Variants in RANBP3 observed in about 807,000 individuals in gnomAD.
RANBP3 encodes RAN binding protein 3.
In RANBP3, 14 loss-of-function variants were observed where a neutral mutation model predicts 77.3. That is an observed-to-expected ratio of 0.18 (90% confidence interval 0.12 to 0.28). RANBP3 has a LOEUF of 0.28. Among genes scored for constraint, RANBP3 ranks in the 10% least tolerant of loss-of-function variants. The pLI is 1.00. For missense variants in RANBP3, 586 were observed against 752.3 expected, an observed-to-expected ratio of 0.78 and a Z score of 2.59; for synonymous variants, 315 against 312.4, an observed-to-expected ratio of 1.01 and a Z score of -0.09.
At position 5,958,698 on chromosome 19, in the gene RANBP3, C is replaced by T. The variant is rs2058364452; in HGVS notation, c.23-725G>A. On this transcript the variant is annotated intron_variant, in intron 1 of 16. Coordinates refer to ENST00000340578, the MANE Select transcript of RANBP3 (RefSeq NM_007322.3). This position sits in a 1 kb window ranked among gnomAD's most constrained non-coding sequence, Gnocchi z 4.4. The stretch of plus-strand genomic sequence containing the variant: ...GTGGCAGCCCAGGAGGCCCTGCTGC[C>T]CGCACAGGAAGCACAGATGAGGACT... Among the ~76,000 whole-genome samples, 1 of 152,240 alleles carries T rather than the reference C, an allele frequency of 6.6e-6. No homozygotes were observed. Among genetic ancestry groups the T allele is most frequent in the South Asian group, 2.1e-4 (1 of 4,834 alleles).
At chr19:5,962,904 T>C (rs918657020) in intron 1 of RANBP3, among the ~76,000 whole-genome samples, 3 of 152,104 alleles carry the variant, frequency 2.0e-5, no homozygotes, top group African/African-American at 7.2e-5. Flanking sequence ...AGGCTGATTC[T>C]GGCTATACCA....
At chr19:5,943,292 T>A (rs2058163171) in intron 3 of RANBP3, among the ~76,000 whole-genome samples, 1 of 152,162 alleles carries the variant, frequency 6.6e-6, no homozygotes, top group Non-Finnish European at 1.5e-5. Flanking sequence ...GTGAAAGTGC[T>A]TTGCAAACTG....
Position 5,952,856 on chromosome 19 carries a change from A to C in RANBP3, c.79-1260T>G, listed in dbSNP as rs980959306. On this transcript the variant is annotated intron_variant, in intron 2 of 16. Transcript: ENST00000340578. The surrounding 1 kb of genome is among the most constrained non-coding windows in gnomAD (Gnocchi z 4.1). ...CAGAGCCACGGACCAGCCGCTCTCT[A>C]AACCTGGCTCTCTAAACCTGCACAG... Among the ~76,000 whole-genome samples, 1 of 152,216 alleles carries C rather than the reference A, an allele frequency of 6.6e-6. No individual in the cohort carries two copies. Among genetic ancestry groups the C allele is most frequent in the Non-Finnish European group, 1.5e-5 (1 of 68,038 alleles).
intron 5 of RANBP3, among the ~76,000 whole-genome samples, chr19:5,936,655 CTTG>C (rs2058068280): frequency 6.6e-6 from 1 of 152,320 alleles, no homozygotes; most frequent in Non-Finnish European, 1.5e-5. Context: ...CCGGGAGGCT[CTTG>C]TTGTGACAAA....
In RANBP3 at chr19:5,924,068, C is replaced by T. The variant is rs1041127204; in HGVS notation, c.997-154G>A. Among the ~76,000 whole-genome samples the T allele has an allele frequency of 6.6e-6, 1 of 152,196 alleles. No homozygotes were observed. Among genetic ancestry groups the T allele is most frequent in the Non-Finnish European group, 1.5e-5 (1 of 68,036 alleles). On this transcript the variant is annotated intron_variant, in intron 11 of 16. Coordinates refer to ENST00000340578, the MANE Select transcript of RANBP3 (RefSeq NM_007322.3). This position sits in a 1 kb window ranked among gnomAD's most constrained non-coding sequence, Gnocchi z 4.7. The stretch of plus-strand genomic sequence containing the variant: ...CCCTGAACTGCCTGGGAGCTCCCCA[C>T]GTGGTCCCTCAGGCATCACTACGGG...
chr19:5,951,287 G>T (rs2145184217), intron 3 of RANBP3, 106 bp downstream of exon 3: 3 of 1,044,816 alleles, frequency 2.9e-6, no homozygotes, highest in Non-Finnish European at 4.3e-6. Context: ...ACCATTAGCT[G>T]CTTACAATTA....
chr19:5,977,663 G>A (rs1301950992), intron 1 of RANBP3, among the ~76,000 whole-genome samples: 1 of 152,112 alleles, frequency 6.6e-6, no homozygotes, highest in African/African-American at 2.4e-5. Context: ...GGCGGAGGAC[G>A]AGGGGGCGGG....
In RANBP3 at chr19:5,917,948, T is replaced by G. The variant is rs1302498527; in HGVS notation, c.1506A>C (p.Ala502=). Residue 502 remains alanine, a synonymous_variant, in exon 16 of 17, where the codon GCA becomes GCC. Transcript: ENST00000340578. ...ASSKDTGQLY[A]ALHHRILALR... ...GGGCCAGGATGCGGTGGTGCAGGGCTGCATACAACTGACCTGTGTCCTTGG... is the reference window on the plus strand; with the variant it reads ...GGGCCAGGATGCGGTGGTGCAGGGCGGCATACAACTGACCTGTGTCCTTGG... 6.2e-7 allele frequency: 1 copy of G among 1,608,546 alleles called. No individual in the cohort carries two copies. The highest frequency in any genetic ancestry group is 8.5e-7 in the Non-Finnish European group (1 of 1,177,016).
In RANBP3 at chr19:5,921,344, A is replaced by G. The variant is rs1383595281; in HGVS notation, c.1210-23T>C. ...CATCTGGAACACAGTGGCCGCCGGTAAGCAGGGACCCCAGCTGGTGTCCTG... is the reference window on the plus strand; with the variant it reads ...CATCTGGAACACAGTGGCCGCCGGTGAGCAGGGACCCCAGCTGGTGTCCTG... On this transcript the variant is annotated intron_variant, in intron 13 of 16. Transcript: ENST00000340578. This position sits in a 1 kb window ranked among gnomAD's most constrained non-coding sequence, Gnocchi z 5.3. 1.9e-6 allele frequency: 3 copies of G among 1,611,906 alleles called. No individual in the cohort carries two copies. In the African/African-American group the frequency reaches 4.0e-5, roughly 22 times the overall value.
intron 3 of RANBP3, among the ~76,000 whole-genome samples, 159 bp from the exon 4 acceptor site, chr19:5,941,994 A>C (rs1455732252): frequency 1.3e-5 from 2 of 152,174 alleles, no homozygotes; most frequent in African/African-American, 4.8e-5. Context: ...TAAAGCTCAA[A>C]CATCCCCCCG....
chr19:5,969,656 C>T (rs1447511889), intron 1 of RANBP3, among the ~76,000 whole-genome samples: 1 of 152,240 alleles, frequency 6.6e-6, no homozygotes, highest in African/African-American at 2.4e-5. Context: ...GCATGAACTC[C>T]TAGACTCCAT....
intron 14 of RANBP3, among the ~76,000 whole-genome samples, chr19:5,920,461 G>C (rs927410425): frequency 6.6e-6 from 1 of 152,166 alleles, no homozygotes; most frequent in Non-Finnish European, 1.5e-5. Context: ...GTGTGTGTAT[G>C]CAGGTACTCC....
chr19:5,955,756 A>T (rs2058327777), intron 2 of RANBP3, among the ~76,000 whole-genome samples: 1 of 152,196 alleles, frequency 6.6e-6, no homozygotes, highest in Non-Finnish European at 1.5e-5. Context: ...TGCAAGCCAC[A>T]CGGTCTCTGT....
At chr19:5,925,891 G>A in intron 9 of RANBP3, 154 bp from the exon 10 acceptor site, 2 of 634,670 alleles carry the variant, frequency 3.2e-6, no homozygotes, top group South Asian at 1.8e-5. Context: ...GCATGTGCTG[G>A]GGGGCAGGGC....
At chr19:5,927,226 G>C (rs1389870698) in intron 9 of RANBP3, among the ~76,000 whole-genome samples, 3 of 152,180 alleles carry the variant, frequency 2.0e-5, no homozygotes, top group Non-Finnish European at 4.4e-5. Flanking sequence ...CCCAGTGCAT[G>C]GTCCAGGGCC....
At chr19:5,925,256 A>C (rs1024808480) in intron 10 of RANBP3, 14 of 470,606 alleles carry the variant, frequency 3.0e-5, no homozygotes, top group South Asian at 2.7e-4. Context: ...GGACATGATG[A>C]GGTCTTTGCC....
chr19:5,927,801 C>A (rs557798058), intron 9 of RANBP3, among the ~76,000 whole-genome samples, 167 bp downstream of exon 9: 2 of 152,342 alleles, frequency 1.3e-5, no homozygotes, highest in African/African-American at 4.8e-5. Flanking sequence ...GGGCCCAGCA[C>A]ACGCACACCA....
chr19:5,921,392 G>T lies in RANBP3; in HGVS notation c.1210-71C>A. On this transcript the variant is annotated intron_variant, in intron 13 of 16. Coordinates refer to ENST00000340578, the MANE Select transcript of RANBP3 (RefSeq NM_007322.3). The surrounding 1 kb of genome is among the most constrained non-coding windows in gnomAD (Gnocchi z 5.3). ...CTGCTGCAGCCACACCCTGAGAGTC[G>T]CCCTTTAGCCTGTGGGGACTGCCAG... 6.3e-7 allele frequency: 1 copy of T among 1,577,082 alleles called. No individual in the cohort carries two copies. The highest frequency in any genetic ancestry group is 1.2e-5 in the South Asian group (1 of 86,838).
Position 5,959,241 on chromosome 19 carries a change from T to C in RANBP3, c.23-1268A>G, listed in dbSNP as rs2058371487. ...TAAAAGGCAAGGGGATGCCTGGGGT[T>C]GGTTTAGGTTGAAAGCAAACAGTTT... On this transcript the variant is annotated intron_variant, in intron 1 of 16. Transcript: ENST00000340578. The surrounding 1 kb of genome is among the most constrained non-coding windows in gnomAD (Gnocchi z 5.1). Among the ~76,000 whole-genome samples the C allele has an allele frequency of 6.6e-6, 1 of 152,122 alleles. No individual in the cohort carries two copies. The highest frequency in any genetic ancestry group is 6.5e-5 in the Admixed American group (1 of 15,284).
Sources: gnomAD v4.1 joint callset for allele counts (sites outside exome capture counted in the v4.1 genomes callset) on GRCh38, gnomAD v4.1.1 for gene constraint, Gnocchi (gnomAD v3.1) non-coding constraint, MANE v1.5 for transcripts, NCBI Gene and HGNC (gene_info 2026-07-23, HGNC 2026-07-21) for gene names.